The following CREB5 variants were observed in gnomAD, a reference collection of about 807,000 sequenced individuals.
The protein encoded by CREB5 is cyclic AMP-responsive element-binding protein 5.
In CREB5, 19 loss-of-function variants were observed where a neutral mutation model predicts 57.1. The ratio of observed to expected loss-of-function variants is 0.33; its 90% CI spans 0.23 to 0.49. The LOEUF (loss-of-function observed/expected upper bound fraction) is 0.49, where lower values mean the gene tolerates loss of function less well. CREB5 is among the 20% of genes least tolerant of loss of function. The pLI is 0.99. For synonymous variants in CREB5, 238 were observed against 238.3 expected, an observed-to-expected ratio of 1.00 and a Z score of 0.01; for missense variants, 579 against 671.6, an observed-to-expected ratio of 0.86 and a Z score of 1.52.
intron 1 of CREB5, among the ~76,000 whole-genome samples, chr7:28,475,830 G>A (rs1791047215): frequency 1.3e-5 from 2 of 152,056 alleles, no homozygotes; most frequent in African/African-American, 4.8e-5. Context: ...CTATGGCTAG[G>A]AGCTGTTTTC....
chr7:28,764,636 C>A (rs893198100), intron 7 of CREB5, among the ~76,000 whole-genome samples: 4 of 152,192 alleles, frequency 2.6e-5, no homozygotes, highest in Non-Finnish European at 5.9e-5. Flanking sequence ...TTTCAAAACT[C>A]TTTGCAAATA....
chr7:28,817,483 C>G (rs547652205), intron 9 of CREB5, among the ~76,000 whole-genome samples: 12 of 152,280 alleles, frequency 7.9e-5, no homozygotes, highest in African/African-American at 2.9e-4. Context: ...GTAGATGAGT[C>G]AGCTTATTCT....
chr7:28,682,670 C>A (rs1157199443), intron 5 of CREB5, among the ~76,000 whole-genome samples: 3 of 141,768 alleles, frequency 2.1e-5, no homozygotes, highest in Middle Eastern at 3.5e-3. Context: ...AGAATAAATT[C>A]AAACCTAAAA....
In CREB5 at chr7:28,352,870, T is replaced by C. The variant is rs565232064; in HGVS notation, c.-25+53429T>C. Among the ~76,000 whole-genome samples, 38 of 152,320 alleles carry C rather than the reference T, an allele frequency of 2.5e-4. 1 individual carries two copies. The highest frequency in any genetic ancestry group is 2.3e-3 in the Admixed American group (35 of 15,302). On this transcript the variant is annotated intron_variant, in intron 1 of 9. Coordinates refer to the CREB5 transcript ENST00000396299. ...ATTAATGTGCCCACTGTCTCTCAGC[T>C]AATAAGTGGAAAGCTAGGGTTTGAA...
Position 28,718,111 on chromosome 7 carries a change from G to A in CREB5, c.465-642G>A, listed in dbSNP as rs1317709578. ...TTTCTGTGAAACAGCCTAACACCTCGCGTTATTATGAAATGAGAGGCTGGT... is the reference window on the plus strand; with the variant it reads ...TTTCTGTGAAACAGCCTAACACCTCACGTTATTATGAAATGAGAGGCTGGT... On this transcript the variant is annotated intron_variant, in intron 5 of 10. Coordinates refer to ENST00000357727, the MANE Select transcript of CREB5 (RefSeq NM_182898.4). Among the ~76,000 whole-genome samples the A allele has an allele frequency of 5.3e-5, 8 of 152,318 alleles. No homozygotes were observed. The East Asian group carries it at 1.2e-3, about 22-fold the overall frequency.
At chr7:28,464,493 T>TTGTGTG (rs1320551403) in intron 1 of CREB5, among the ~76,000 whole-genome samples, 21 of 107,830 alleles carry the variant, frequency 1.9e-4, no homozygotes, top group Middle Eastern at 4.6e-3. Flanking sequence ...TTGTGGAAAG[T>TTGTGTG]TGCGTGTGTG....
intron 5 of CREB5, among the ~76,000 whole-genome samples, chr7:28,580,152 A>C (rs959529324): frequency 6.6e-6 from 1 of 152,142 alleles, no homozygotes; most frequent in African/African-American, 2.4e-5. Flanking sequence ...TTAAATGCCA[A>C]AACTAAACAA....
chr7:28,315,942 G>C (rs1785370072), intron 1 of CREB5, among the ~76,000 whole-genome samples: 1 of 152,184 alleles, frequency 6.6e-6, no homozygotes, highest in African/African-American at 2.4e-5. Context: ...TGATTTTCAA[G>C]GAGACAGGTC....
intron 1 of CREB5, among the ~76,000 whole-genome samples, chr7:28,390,791 G>T (rs1276207869): frequency 6.6e-6 from 1 of 152,036 alleles, no homozygotes; most frequent in Non-Finnish European, 1.5e-5. Context: ...TTTTCTTGAT[G>T]CTCTGAAGGA....
At chr7:28,465,098 G>A (rs988329280) in intron 1 of CREB5, among the ~76,000 whole-genome samples, 1 of 152,192 alleles carries the variant, frequency 6.6e-6, no homozygotes, top group Non-Finnish European at 1.5e-5. Flanking sequence ...AACATCAGAA[G>A]TCCAGAGGAT....
intron 1 of CREB5, among the ~76,000 whole-genome samples, chr7:28,373,395 T>C (rs1435223057): frequency 6.6e-6 from 1 of 152,066 alleles, no homozygotes; most frequent in Non-Finnish European, 1.5e-5. Context: ...TAAAAAGTGG[T>C]AGTAGGATAT....
chr7:28,679,530 G>A (rs1800488082), intron 5 of CREB5, among the ~76,000 whole-genome samples: 1 of 152,150 alleles, frequency 6.6e-6, no homozygotes, highest in Admixed American at 6.5e-5. Context: ...GCCTTCTTAG[G>A]ACCCGAGGGA....
At position 28,683,436 on chromosome 7, in the gene CREB5, T is replaced by C. The variant is rs577709615; in HGVS notation, c.465-35317T>C. Among the ~76,000 whole-genome samples the C allele has an allele frequency of 3.9e-5, 6 of 152,286 alleles. No homozygotes were observed. In the East Asian group the frequency reaches 1.2e-3, roughly 29 times the overall value. ...CAGACCTTTGAACTCTGAAATTGAT[T>C]TCAATTCAGGCCAGCACTCCAAAGT... is the stretch of plus-strand genomic sequence containing the variant. On this transcript the variant is annotated intron_variant, in intron 5 of 10. Transcript: ENST00000357727.
rs751628412 is a variant in CREB5 at position 28,642,951 on chromosome 7, TACACACACACAC to T, written c.464+72438_464+72449del. Among the ~76,000 whole-genome samples the T allele has an allele frequency of 2.1e-3, 186 of 89,714 alleles. 2 individuals are homozygous for T. Among genetic ancestry groups the T allele is most frequent in the Non-Finnish European group, 3.0e-3 (129 of 43,478 alleles). 58.9% of individuals were successfully genotyped at this position (89,714 alleles called of 152,430 possible). ...AAACAGACCGAAAGGAGGGTAGATT[TACACACACACAC>T]ACACACACACACACACACACACATA... On this transcript the variant is annotated intron_variant, in intron 5 of 10. Transcript: ENST00000357727.
chr7:28,818,651 CCA>C (rs1161519510), intron 10 of CREB5: 4 of 432,540 alleles, frequency 9.2e-6, no homozygotes, highest in East Asian at 7.0e-5. Context: ...CCTTCAGACC[CCA>C]GTTTCTGCAT....
At chr7:28,658,996 A>ATAT (rs1799483354) in intron 5 of CREB5, among the ~76,000 whole-genome samples, 1 of 72,718 alleles carries the variant, frequency 1.4e-5, no homozygotes. Context: ...TATAAGTCAT[A>ATAT]ATTTATAATA....
intron 1 of CREB5, among the ~76,000 whole-genome samples, chr7:28,385,586 G>A (rs185834495): frequency 1.1e-3 from 167 of 151,904 alleles, no homozygotes; most frequent in African/African-American, 3.9e-3. Context: ...TGAGATGGGA[G>A]GATCACCTGA....
chr7:28,692,619 CA>C (rs1378054890), intron 5 of CREB5, among the ~76,000 whole-genome samples: 1 of 152,076 alleles, frequency 6.6e-6, no homozygotes, highest in Non-Finnish European at 1.5e-5. Context: ...ATAACCAGGC[CA>C]ACCTCGGGCA....
At chr7:28,445,740 A>C (rs1368361120) in intron 1 of CREB5, among the ~76,000 whole-genome samples, 1 of 151,566 alleles carries the variant, frequency 6.6e-6, no homozygotes, top group Non-Finnish European at 1.5e-5. Flanking sequence ...TTTAGTTGAG[A>C]TGGGGTTTCA....
Sources: gnomAD v4.1 joint callset for allele counts (sites outside exome capture counted in the v4.1 genomes callset) on GRCh38, gnomAD v4.1.1 for gene constraint, MANE v1.5 for transcripts, NCBI Gene and HGNC (gene_info 2026-07-23, HGNC 2026-07-21) for gene names.